The following ATP8B4 variants were observed in gnomAD, a reference collection of about 807,000 sequenced individuals.
ATP8B4 encodes the protein probable phospholipid-transporting ATPase IM.
Under a neutral mutation model 145.6 loss-of-function variants are expected in ATP8B4, and 133 were observed. The ratio of observed to expected loss-of-function variants is 0.91; its 90% CI spans 0.79 to 1.05. ATP8B4 has a LOEUF of 1.05. Ranked by LOEUF, ATP8B4 falls within the 50% of genes least tolerant of loss-of-function variation. The probability of loss-of-function intolerance (pLI) is 0.00; values close to 1 mark genes in which losing one functional copy is unlikely to be tolerated. For missense variants in ATP8B4, 1,458 were observed against 1,425.2 expected (o/e 1.02, Z -0.37); for synonymous variants, 507 against 492.9 (o/e 1.03, Z -0.38).
intron 6 of ATP8B4, among the ~76,000 whole-genome samples, chr15:50,016,415 G>T (rs2049094088): frequency 1.3e-5 from 2 of 152,182 alleles, no homozygotes; most frequent in African/African-American, 4.8e-5. Context: ...CAGAGCTATT[G>T]GTCTAGGTTG....
intron 1 of ATP8B4, among the ~76,000 whole-genome samples, chr15:50,159,506 A>T (rs576295491): frequency 1.3e-5 from 2 of 152,280 alleles, no homozygotes; most frequent in East Asian, 1.9e-4. Flanking sequence ...GGTTGCTCTT[A>T]AACAGTACTT....
intron 20 of ATP8B4, chr15:49,908,217 C>A (rs2038837451): frequency 7.3e-6 from 3 of 408,392 alleles, no homozygotes; most frequent in South Asian, 3.6e-5. Flanking sequence ...CTGTTTGCAT[C>A]TATCTTCCTT....
At chr15:50,064,944 T>C (rs2053276955) in intron 3 of ATP8B4, among the ~76,000 whole-genome samples, 1 of 152,112 alleles carries the variant, frequency 6.6e-6, no homozygotes, top group Non-Finnish European at 1.5e-5. Flanking sequence ...GAGGGGATGG[T>C]GCTAACCCAC....
At chr15:49,949,851 C>T (rs371139245) in intron 14 of ATP8B4, among the ~76,000 whole-genome samples, 11 of 151,956 alleles carry the variant, frequency 7.2e-5, no homozygotes, top group East Asian at 3.9e-4. Flanking sequence ...CCTAGCTTAT[C>T]GAGAGTTTTT....
intron 6 of ATP8B4, among the ~76,000 whole-genome samples, chr15:50,029,569 T>C (rs191744037): frequency 1.3e-5 from 2 of 152,288 alleles, no homozygotes; most frequent in Admixed American, 1.3e-4. Flanking sequence ...TTAATTTAAT[T>C]ATGTCTGCTA....
chr15:50,035,591 G>A (rs1452267942), intron 6 of ATP8B4, among the ~76,000 whole-genome samples: 1 of 152,086 alleles, frequency 6.6e-6, no homozygotes, highest in Non-Finnish European at 1.5e-5. Context: ...TGAGACTTAA[G>A]TGTGGGAGCA....
intron 4 of ATP8B4, among the ~76,000 whole-genome samples, chr15:50,046,863 T>A (rs964129200): frequency 1.3e-5 from 2 of 152,206 alleles, no homozygotes; most frequent in African/African-American, 4.8e-5. Context: ...AATTAACCAT[T>A]CAAAACTGTA....
chr15:50,049,610 A>G lies in ATP8B4; in HGVS notation c.88-2146T>C, dbSNP rs2052015381. Among the ~76,000 whole-genome samples the G allele has an allele frequency of 2.6e-5, 4 of 152,226 alleles. 1 individual carries two copies. The South Asian group carries it at 8.3e-4, about 32-fold the overall frequency. On this transcript the variant is annotated intron_variant, in intron 3 of 27. Transcript: ENST00000284509. ...TATTGTAAATAGTGCCGTAATGAAC[A>G]TACAAGTGCATGTGTCTTTATGGTA...
Position 50,167,304 on chromosome 15 carries a change from T to C in ATP8B4, c.-43+14957A>G, listed in dbSNP as rs1003794110. Reference sequence around the variant, plus strand: ...AGTTCTGGAGGACAAAAGTCCAAAGTCAAGGTGTCAGCAGAGTTGATTCCT... The same window carrying C: ...AGTTCTGGAGGACAAAAGTCCAAAGCCAAGGTGTCAGCAGAGTTGATTCCT... On this transcript the variant is annotated intron_variant, in intron 1 of 3. Transcript: ENST00000558829. Among the ~76,000 whole-genome samples the C allele has an allele frequency of 1.8e-4, 27 of 152,328 alleles. 1 individual carries two copies. Among genetic ancestry groups the C allele is most frequent in the South Asian group, 2.1e-4 (1 of 4,826 alleles).
intron 1 of ATP8B4, among the ~76,000 whole-genome samples, chr15:50,165,044 CCTTT>C (rs2044575345): frequency 6.6e-6 from 1 of 151,978 alleles, no homozygotes; most frequent in Admixed American, 6.6e-5. Context: ...ATACCTCTTT[CCTTT>C]TTTTTTCTTT....
intron 2 of ATP8B4, among the ~76,000 whole-genome samples, chr15:50,083,683 C>T (rs1267931557): frequency 1.3e-5 from 2 of 152,168 alleles, no homozygotes; most frequent in Admixed American, 1.3e-4. Flanking sequence ...GCTTTCAATT[C>T]GTGTTTGTCA....
At chr15:50,119,779 T>TA (rs2057246666), upstream of ATP8B4, among the ~76,000 whole-genome samples, 1 of 111,774 alleles carries the variant, frequency 8.9e-6, no homozygotes, top group African/African-American at 3.3e-5. Flanking sequence ...TTTTTTTTTT[T>TA]ACAGGGGAAG....
chr15:49,860,412 G>A lies in ATP8B4; in HGVS notation c.3361C>T (p.Arg1121Cys), dbSNP rs114013910. ...CCAGACCTTCTTGAGCTTGACCTGC[G>A]GGTCCGAGGCCTTCGGCTACTTGGA... is the stretch of plus-strand genomic sequence containing the variant. ...RPPSSRRPRT[R>C]RSSSRRSGYA... The change falls in exon 28 of 28, where the codon CGC becomes TGC. Residue 1121 changes from arginine (R) to cysteine (C), a missense_variant. Transcript: ENST00000284509. The A allele has an allele frequency of 7.4e-6, 12 of 1,614,018 alleles. No individual in the cohort carries two copies. Among genetic ancestry groups the A allele is most frequent in the East Asian group, 4.5e-5 (2 of 44,846 alleles).
At chr15:50,107,088 GACAA>G in intron 1 of ATP8B4, 80 bp from the exon 2 acceptor site, 1 of 897,970 alleles carries the variant, frequency 1.1e-6, no homozygotes, top group Non-Finnish European at 1.6e-6. Context: ...TTTCTTCCTA[GACAA>G]ATCTAGGTAA....
intron 1 of ATP8B4, among the ~76,000 whole-genome samples, chr15:50,110,607 G>A (rs942602090): frequency 3.3e-5 from 5 of 152,170 alleles, no homozygotes; most frequent in African/African-American, 1.2e-4. Context: ...CCCTTTACAA[G>A]TACTGAAGCA....
At chr15:50,040,559 C>T (rs1353605892) in intron 5 of ATP8B4, among the ~76,000 whole-genome samples, 1 of 152,204 alleles carries the variant, frequency 6.6e-6, no homozygotes, top group African/African-American at 2.4e-5. Flanking sequence ...CACATTCAAG[C>T]ATTAACTGCA....
At chr15:49,875,891 T>G (rs941643655) in intron 25 of ATP8B4, among the ~76,000 whole-genome samples, 11 of 152,208 alleles carry the variant, frequency 7.2e-5, no homozygotes, top group Admixed American at 6.5e-4. Flanking sequence ...CAAGCAAACT[T>G]TAGATCTCAC....
At chr15:50,007,144 T>C (rs1215424378) in intron 7 of ATP8B4, among the ~76,000 whole-genome samples, 1 of 152,230 alleles carries the variant, frequency 6.6e-6, no homozygotes, top group Non-Finnish European at 1.5e-5. Flanking sequence ...AACTTCTGAA[T>C]ATGCCAGCTA....
At chr15:49,972,447 T>C (rs2045244938) in intron 13 of ATP8B4, 135 bp downstream of exon 13, 1 of 711,354 alleles carries the variant, frequency 1.4e-6, no homozygotes, top group South Asian at 1.9e-5. Flanking sequence ...AGCATCTATA[T>C]GGTAGATGCT....
Sources: gnomAD v4.1 joint callset for allele counts (sites outside exome capture counted in the v4.1 genomes callset) on GRCh38, gnomAD v4.1.1 for gene constraint, MANE v1.5 for transcripts, NCBI Gene and HGNC (gene_info 2026-07-23, HGNC 2026-07-21) for gene names.